Variants in GABBR2 observed in about 807,000 individuals in gnomAD.
GABBR2 encodes G-protein coupled receptor 51.
Under a neutral mutation model 105.6 loss-of-function variants are expected in GABBR2, and 23 were observed. The ratio of observed to expected loss-of-function variants is 0.22; its 90% CI spans 0.16 to 0.31. The LOEUF is 0.31. GABBR2 is among the 10% of genes least tolerant of loss of function. The pLI is 1.00. For missense variants in GABBR2, 734 were observed against 1,245.5 expected (o/e 0.59, Z 6.18); for synonymous variants, 478 against 499.7 (o/e 0.96, Z 0.58).
intron 7 of GABBR2, among the ~76,000 whole-genome samples, chr9:98,410,694 G>A (rs913793336): frequency 2.0e-5 from 3 of 151,718 alleles, no homozygotes; most frequent in African/African-American, 7.3e-5. Context: ...CAGGAGCCTC[G>A]GAGGCCTGTC....
At position 98,293,834 on chromosome 9, in the gene GABBR2, G is replaced by T; in HGVS notation, c.2611C>A (p.Pro871Thr). 1 of 1,611,794 alleles carries T rather than the reference G, an allele frequency of 6.2e-7. No homozygotes were observed. The highest frequency in any genetic ancestry group is 8.5e-7 in the Non-Finnish European group (1 of 1,177,988). ...ATAGGATCTTTGCATGTTCGAGAGG[G>T]CTCTGTTGTGTTCCACTGTAGCTGG... ...NPQLQWNTTEPSRTCKDPIED... is the reference protein window; with the variant it reads ...NPQLQWNTTETSRTCKDPIED... The change falls in exon 18 of 19, where the codon CCC (proline) becomes ACC (threonine). Residue 871 changes from proline (P) to threonine (T), a missense_variant. This residue lies in a region of GABBR2 where 134 missense variants were observed against 171.2 expected (regional missense o/e 0.78). Coordinates refer to ENST00000259455, the MANE Select transcript of GABBR2 (RefSeq NM_005458.8).
intron 17 of GABBR2, among the ~76,000 whole-genome samples, chr9:98,297,901 G>A (rs934518920): frequency 6.6e-6 from 1 of 151,276 alleles, no homozygotes; most frequent in African/African-American, 2.4e-5. Flanking sequence ...GTGGGCACCT[G>A]TAATCCCAGC....
intron 1 of GABBR2, among the ~76,000 whole-genome samples, chr9:98,684,319 T>G (rs1223333611): frequency 6.6e-6 from 1 of 152,054 alleles, no homozygotes; most frequent in Non-Finnish European, 1.5e-5. Context: ...TATAAGTGAT[T>G]TGAATTTTCC....
At chr9:98,512,437 G>T (rs1827665299) in intron 3 of GABBR2, among the ~76,000 whole-genome samples, 1 of 151,320 alleles carries the variant, frequency 6.6e-6, no homozygotes. Context: ...GAAATAAAGG[G>T]TATTCAATTA....
chr9:98,496,234 G>A (rs1396660634), intron 4 of GABBR2, among the ~76,000 whole-genome samples, 179 bp downstream of exon 4: 1 of 152,224 alleles, frequency 6.6e-6, no homozygotes, highest in Non-Finnish European at 1.5e-5. Context: ...CAGTGTTGGA[G>A]AGCAAGGAAG....
intron 1 of GABBR2, among the ~76,000 whole-genome samples, chr9:98,633,637 A>T (rs1829842239): frequency 6.6e-6 from 1 of 151,906 alleles, no homozygotes; most frequent in Non-Finnish European, 1.5e-5. Flanking sequence ...AAAAAAAAAA[A>T]AAAAAAAAGA....
chr9:98,559,156 G>T (rs1168961979), intron 2 of GABBR2, among the ~76,000 whole-genome samples: 2 of 151,952 alleles, frequency 1.3e-5, no homozygotes, highest in African/African-American at 4.8e-5. Context: ...TTGAGACAGG[G>T]TCTCACTCTG....
Position 98,322,469 on chromosome 9 carries a change from T to G in GABBR2, c.1894-11264A>C, listed in dbSNP as rs551724500. 4.6e-5 allele frequency among the ~76,000 whole-genome samples: 7 copies of G among 151,984 alleles called. No homozygotes were observed. The East Asian group carries it at 9.7e-4, about 21-fold the overall frequency. ...GGTCTCCTGTCTCTTCCCAACCCAT[T>G]CCTCCTCTATGTTGCCTCCAAGTGA... is the stretch of plus-strand genomic sequence containing the variant. On this transcript the variant is annotated intron_variant, in intron 13 of 18. Transcript: ENST00000259455.
intron 13 of GABBR2, 42 bp from the exon 14 acceptor site, chr9:98,311,247 A>G: frequency 8.0e-7 from 1 of 1,247,398 alleles, no homozygotes; most frequent in South Asian, 1.2e-5. Context: ...GGCACAGGAC[A>G]CTCTTCCAGC....
chr9:98,356,625 C>T (rs533964), intron 13 of GABBR2, among the ~76,000 whole-genome samples: 99,514 of 152,088 alleles, frequency 0.65, 33,290 homozygotes, highest in Admixed American at 0.74. Context: ...AACTAAACAT[C>T]CTCTTACCAT....
chr9:98,526,888 A>G (rs1306222422), intron 3 of GABBR2, among the ~76,000 whole-genome samples: 1 of 152,130 alleles, frequency 6.6e-6, no homozygotes, highest in African/African-American at 2.4e-5. Context: ...TGAGTAAATA[A>G]AAATAGAACA....
rs190736692 is a variant in GABBR2, at chr9:98,308,669, C to T, written c.2005-2324G>A. 6.2e-3 allele frequency among the ~76,000 whole-genome samples: 950 copies of T among 152,210 alleles called. 6 individuals are homozygous for T. The highest frequency in any genetic ancestry group is 0.011 in the Admixed American group (165 of 15,286). On this transcript the variant is annotated intron_variant, in intron 14 of 18. Transcript: ENST00000259455. ...GACAGAGGCAGAAACTAGAGTCATG[C>T]GGTCACAAGCCAAGGCATGCCTGGA...
At chr9:98,445,327 A>G (rs1826107234) in intron 7 of GABBR2, among the ~76,000 whole-genome samples, 1 of 152,240 alleles carries the variant, frequency 6.6e-6, no homozygotes, top group South Asian at 2.1e-4. Flanking sequence ...GAGGGAGAAG[A>G]GTCCAGAACC....
At position 98,436,356 on chromosome 9, in the gene GABBR2, T is replaced by A. The variant is rs1564068213; in HGVS notation, c.1236+17625A>T. 9.9e-3 allele frequency among the ~76,000 whole-genome samples: 28 copies of A among 2,834 alleles called. 1 individual carries two copies. Among genetic ancestry groups the A allele is most frequent in the South Asian group, 0.068 (3 of 44 alleles). 1.9% of individuals were successfully genotyped at this position (2,834 alleles called of 152,430 possible). A position where few individuals can be genotyped will look rare whatever the true frequency, so the allele number is the denominator to read the frequency against. ...TACACACACACACACACCATATATA[T>A]ATATATATATATATATATATATATA... On this transcript the variant is annotated intron_variant, in intron 7 of 18. Coordinates refer to ENST00000259455, the MANE Select transcript of GABBR2 (RefSeq NM_005458.8).
intron 7 of GABBR2, among the ~76,000 whole-genome samples, chr9:98,420,565 T>C (rs1176898324): frequency 6.6e-6 from 1 of 152,184 alleles, no homozygotes. Context: ...GTCCCTGCCC[T>C]CAGGAAGCCC....
intron 9 of GABBR2, among the ~76,000 whole-genome samples, chr9:98,389,906 C>G (rs940373605): frequency 6.6e-6 from 1 of 152,100 alleles, no homozygotes; most frequent in South Asian, 2.1e-4. Context: ...TGGAATCAGC[C>G]GGATGTTACA....
rs149919214 is a variant in GABBR2, at chr9:98,527,097, A to AAT, written c.630+14774_630+14775dup. Among the ~76,000 whole-genome samples, 495 of 147,434 alleles carry AAT rather than the reference A, an allele frequency of 3.4e-3. 3 individuals carry two copies. The highest frequency in any genetic ancestry group is 0.012 in the African/African-American group (474 of 40,616). Reference sequence around the variant, plus strand: ...TCATATGTTAATAATATATAATAATAATATATATATTATATATATATATGT... The same window carrying AAT: ...TCATATGTTAATAATATATAATAATAATATATATATATTATATATATATATGT... On this transcript the variant is annotated intron_variant, in intron 3 of 18. Coordinates refer to ENST00000259455, the MANE Select transcript of GABBR2 (RefSeq NM_005458.8).
intron 13 of GABBR2, among the ~76,000 whole-genome samples, chr9:98,313,994 T>C (rs377020638): frequency 6.6e-6 from 1 of 152,148 alleles, no homozygotes; most frequent in Non-Finnish European, 1.5e-5. Context: ...CTGTGTGTTC[T>C]CTCAGGCTTG....
chr9:98,336,476 C>G lies in GABBR2; in HGVS notation c.1894-25271G>C, dbSNP rs150084414. On this transcript the variant is annotated intron_variant, in intron 13 of 18. Transcript: ENST00000259455. ...ATCCCAGCACTTTGGGAGGCCAAGG[C>G]GGGTGGATCACAAAGTCAGGAGTTT... Among the ~76,000 whole-genome samples the G allele has an allele frequency of 1.1e-4, 16 of 152,266 alleles. No homozygotes were observed. In the East Asian group the frequency reaches 3.1e-3, roughly 29 times the overall value.
Sources: allele counts gnomAD v4.1 joint callset (sites outside exome capture counted in the v4.1 genomes callset), GRCh38; gene constraint gnomAD v4.1.1; regional missense constraint gnomAD v4.1.1; transcripts MANE v1.5; gene names NCBI Gene and HGNC (gene_info 2026-07-23, HGNC 2026-07-21).